The following CDC42BPA variants were observed in gnomAD, a reference collection of about 807,000 sequenced individuals.
CDC42BPA encodes serine/threonine-protein kinase MRCK alpha.
CDC42BPA carries 80 observed loss-of-function variants against 223.5 expected under a neutral mutation model. The ratio of observed to expected loss-of-function variants is 0.36; its 90% CI spans 0.30 to 0.43. The LOEUF is 0.43. Among genes scored for constraint, CDC42BPA ranks in the 20% least tolerant of loss-of-function variants. The pLI, the probability that CDC42BPA is intolerant of heterozygous loss-of-function variation, is 1.00. For missense variants in CDC42BPA, 1,743 were observed against 2,099.9 expected (o/e 0.83, Z 3.32); for synonymous variants, 694 against 718.6 (o/e 0.97, Z 0.55).
chr1:227,200,711 C>G (rs570009258), intron 3 of CDC42BPA, among the ~76,000 whole-genome samples: 2 of 152,282 alleles, frequency 1.3e-5, no homozygotes, highest in East Asian at 3.9e-4. Flanking sequence ...AGTTTCTCCA[C>G]TGTATACACT....
Position 227,145,652 on chromosome 1 carries a change from T to C in CDC42BPA, c.980A>G (p.His327Arg). 6.2e-7 allele frequency: 1 copy of C among 1,613,846 alleles called. No homozygotes were observed. The highest frequency in any genetic ancestry group is 8.5e-7 in the Non-Finnish European group (1 of 1,179,834). Residue 327 changes from histidine to arginine, a missense_variant, in exon 8 of 37, where the codon CAT becomes CGT. By Grantham distance (29) the His-to-Arg change is conservative. Transcript: ENST00000366766. ...LIRRLICSRE[H>R]RLGQNGIEDF... ...TTCTATTCCATTTTGACCAAGTCGATGTTCTCTGCTACAAATGAGCCTTCG... is the reference window on the plus strand; with the variant it reads ...TTCTATTCCATTTTGACCAAGTCGACGTTCTCTGCTACAAATGAGCCTTCG...
In CDC42BPA at chr1:227,150,830, T is replaced by A. The variant is rs1477652404; in HGVS notation, c.694-3271A>T. 3.1e-5 allele frequency among the ~76,000 whole-genome samples: 4 copies of A among 130,042 alleles called. 1 individual carries two copies. In the East Asian group the frequency reaches 6.6e-4, roughly 21 times the overall value. The allele number at this position is 130,042 out of a possible 152,430, so 85.3% of individuals were successfully genotyped here. A position where few individuals can be genotyped will look rare whatever the true frequency, so the allele number is the denominator to read the frequency against. On this transcript the variant is annotated intron_variant, in intron 6 of 36. Coordinates refer to ENST00000366766, the MANE Select transcript of CDC42BPA (RefSeq NM_001394014.1). ...TTACAAATAGAAAAATAAAAATTTT[T>A]AAAAACCACCCACTTTACCTCCCTG...
At chr1:227,104,961 GA>G (rs201877568) in intron 14 of CDC42BPA, among the ~76,000 whole-genome samples, 6 of 149,044 alleles carry the variant, frequency 4.0e-5, no homozygotes, top group South Asian at 2.1e-4. Context: ...ACACAATAGG[GA>G]AAAAAAAATA....
At chr1:227,302,974 T>C (rs979765099) in intron 1 of CDC42BPA, among the ~76,000 whole-genome samples, 3 of 151,694 alleles carry the variant, frequency 2.0e-5, no homozygotes, top group African/African-American at 7.3e-5. Context: ...CTCTGGAAAA[T>C]ACTGATAGTT....
At chr1:227,215,188 G>C (rs1313421064) in intron 2 of CDC42BPA, among the ~76,000 whole-genome samples, 3 of 152,076 alleles carry the variant, frequency 2.0e-5, no homozygotes, top group African/African-American at 7.2e-5. Flanking sequence ...AACCACCTCT[G>C]GAATATGCAA....
rs974171364 is a variant in CDC42BPA at position 227,005,132 on chromosome 1, G to A, written c.4858-21C>T. 7.9e-6 allele frequency: 12 copies of A among 1,523,242 alleles called. No individual in the cohort carries two copies. In the African/African-American group the frequency reaches 1.6e-4, roughly 21 times the overall value. 94.4% of individuals were successfully genotyped at this position (1,523,242 alleles called of 1,614,324 possible). A position where few individuals can be genotyped will look rare whatever the true frequency, so the allele number is the denominator to read the frequency against. ...GGGTTCTATAAACAAAAGCGAGAGA[G>A]ACATCCTTTAGCCAGAAAGAAACTG... On this transcript the variant is annotated intron_variant, in intron 34 of 36. Transcript: ENST00000366766.
chr1:227,156,366 G>A (rs1662780061), intron 6 of CDC42BPA, among the ~76,000 whole-genome samples: 1 of 151,302 alleles, frequency 6.6e-6, no homozygotes, highest in African/African-American at 2.4e-5. Context: ...TGTTGCTCAG[G>A]CTGGTCTCAA....
chr1:227,120,619 C>T (rs1477726183), intron 11 of CDC42BPA, among the ~76,000 whole-genome samples: 3 of 152,130 alleles, frequency 2.0e-5, no homozygotes, highest in African/African-American at 4.8e-5. Flanking sequence ...ATAAGAGGGG[C>T]TTTTAAGAAA....
At chr1:227,125,865 C>G (rs1689492704) in intron 11 of CDC42BPA, among the ~76,000 whole-genome samples, 1 of 152,106 alleles carries the variant, frequency 6.6e-6, no homozygotes, top group Non-Finnish European at 1.5e-5. Context: ...TACAAATTTA[C>G]AGCATATTTA....
intron 35 of CDC42BPA, among the ~76,000 whole-genome samples, chr1:226,999,672 C>G (rs1246245329): frequency 2.0e-5 from 3 of 152,206 alleles, no homozygotes; most frequent in South Asian, 2.1e-4. Context: ...CAGCACTATT[C>G]ACCATAGCAA....
intron 10 of CDC42BPA, among the ~76,000 whole-genome samples, chr1:227,133,485 G>A (rs1420684444): frequency 7.2e-5 from 11 of 152,218 alleles, no homozygotes; most frequent in Non-Finnish European, 1.3e-4. Context: ...CATTGAGAAC[G>A]GGCCATGATG....
chr1:227,106,784 T>C (rs1686014914), intron 14 of CDC42BPA, among the ~76,000 whole-genome samples: 1 of 152,194 alleles, frequency 6.6e-6, no homozygotes, highest in Admixed American at 6.5e-5. Context: ...TTTTGTAGGT[T>C]AATATTCAGT....
At position 227,126,464 on chromosome 1, in the gene CDC42BPA, A is replaced by AAAGGAAGGAAGGAAGGAAGG. The variant is rs143254580; in HGVS notation, c.1513+2625_1513+2644dup. Among the ~76,000 whole-genome samples, 172 of 130,542 alleles carry AAAGGAAGGAAGGAAGGAAGG rather than the reference A, an allele frequency of 1.3e-3. 3 individuals carry two copies. The East Asian group carries it at 0.019, about 15-fold the overall frequency. The allele number at this position is 130,542 out of a possible 152,430, so 85.6% of individuals were successfully genotyped here. On this transcript the variant is annotated intron_variant, in intron 11 of 36. Coordinates refer to ENST00000366766, the MANE Select transcript of CDC42BPA (RefSeq NM_001394014.1). ...TGACAGAGAAAACAGGCAGTACAAG[A>AAAGGAAGGAAGGAAGGAAGG]AAGGAAGGAAGGAAGGAAGGAAGGA... is the stretch of plus-strand genomic sequence containing the variant.
intron 7 of CDC42BPA, 149 bp downstream of exon 7, chr1:227,147,210 T>G: frequency 3.6e-6 from 2 of 552,932 alleles, no homozygotes; most frequent in Admixed American, 3.6e-5. Context: ...GAATAATTTA[T>G]GGATTTTGAC....
rs750503905 is a variant in CDC42BPA at position 227,031,411 on chromosome 1, A to G, written c.3662T>C (p.Leu1221Ser). Residue 1221 changes from leucine to serine, a missense_variant, in exon 28 of 37, where the codon TTG becomes TCG. Leu to Ser is a moderately radical substitution (Grantham distance 145). Coordinates refer to ENST00000366766, the MANE Select transcript of CDC42BPA (RefSeq NM_001394014.1). ...KNKWVGVLSE[L>S]HKILKKNKFR... ...TTTGTTTTTCTTCAAAATCTTGTGC[A>G]ATTCACTCAGCACTCCCACCCACTT... 12 of 1,613,886 alleles carry G rather than the reference A, an allele frequency of 7.4e-6. No homozygotes were observed. Among genetic ancestry groups the G allele is most frequent in the Admixed American group, 1.7e-5 (1 of 59,978 alleles).
At chr1:227,064,084 G>A (rs1042862816) in intron 21 of CDC42BPA, among the ~76,000 whole-genome samples, 3 of 152,056 alleles carry the variant, frequency 2.0e-5, no homozygotes, top group African/African-American at 7.2e-5. Context: ...AACAATATTA[G>A]GGGGACCAGA....
At chr1:227,135,747 A>C (rs907147438) in intron 10 of CDC42BPA, among the ~76,000 whole-genome samples, 1 of 151,576 alleles carries the variant, frequency 6.6e-6, no homozygotes, top group Non-Finnish European at 1.5e-5. Context: ...CCAGTTACTC[A>C]GGAGGCTGAG....
At chr1:227,289,886 T>TGC (rs1553437120) in intron 1 of CDC42BPA, among the ~76,000 whole-genome samples, 2 of 15,670 alleles carry the variant, frequency 1.3e-4, no homozygotes, top group Non-Finnish European at 1.5e-4. Flanking sequence ...ACCCTGTCTC[T>TGC]ACAAAAAAAA....
Position 227,317,333 on chromosome 1 carries a change from A to T in CDC42BPA, c.-151T>A. 1 of 710,570 alleles carries T rather than the reference A, an allele frequency of 1.4e-6. No homozygotes were observed. The highest frequency in any genetic ancestry group is 2.8e-5 in the East Asian group (1 of 36,316). The allele number at this position is 710,570 out of a possible 1,614,324, so 44.0% of individuals were successfully genotyped here. ...AATGCTGGTGCTGAATTAAACATCC[A>T]ACACACCAGTAACCTCACTTAACTG... On this transcript the variant is annotated 5_prime_UTR_variant, in exon 1 of 37. An upstream open reading frame in the 5' UTR gains an earlier in-frame stop. Transcript: ENST00000366766.
Sources: gnomAD v4.1 joint callset for allele counts (sites outside exome capture counted in the v4.1 genomes callset) on GRCh38, gnomAD v4.1.1 for gene constraint, MANE v1.5 for transcripts, NCBI Gene and HGNC (gene_info 2026-07-23, HGNC 2026-07-21) for gene names.